Variants in ARAF observed in about 807,000 individuals in gnomAD.
ARAF encodes A-Raf proto-oncogene, serine/threonine kinase.
In ARAF, 18 loss-of-function variants were observed where a neutral mutation model predicts 48.0. The ratio of observed to expected loss-of-function variants is 0.37; its 90% confidence interval spans 0.26 to 0.56. The LOEUF is 0.56. Ranked by LOEUF, ARAF falls within the 20% of genes least tolerant of loss-of-function variation. The pLI is 0.77. For synonymous variants in ARAF, 207 were observed against 220.1 expected (o/e 0.94, Z 0.53); for missense variants, 389 against 543.1 (o/e 0.72, Z 2.82).
intron 13 of ARAF, 86 bp downstream of exon 13, chrX:47,569,743 C>T (rs2057747547): frequency 9.1e-7 from 1 of 1,098,327 alleles, no homozygotes; most frequent in Non-Finnish European, 1.2e-6. Context: ...GACGGGGATG[C>T]CTGTGCCAGA....
intron 6 of ARAF, chrX:47,565,746 G>A (rs953677547): frequency 1.6e-5 from 2 of 123,960 alleles, no homozygotes; most frequent in African/African-American, 3.3e-5. Context: ...TTTGAAATAC[G>A]TATTATTTTA....
chrX:47,570,270 A>G (rs928704362), intron 14 of ARAF: 1 of 351,952 alleles, frequency 2.8e-6, no homozygotes, highest in Middle Eastern at 8.1e-4. Flanking sequence ...TTGAAGTCCA[A>G]AATGCCCCGA....
At position 47,565,284 on chromosome X, in the gene ARAF, G is replaced by A. The variant is rs375468186; in HGVS notation, c.491G>A (p.Gly164Asp). Residue 164 changes from glycine (G) to aspartate (D), a missense_variant, in exon 6 of 16, where the codon GGC (glycine) becomes GAC (aspartate). Coordinates refer to ENST00000377045, the MANE Select transcript of ARAF (RefSeq NM_001654.5). ...FYHSVQDLSG[G>D]SRQHEAPSNR... is the part of the protein sequence containing the mutation. ...CACAGTGTCCAGGATTTGTCCGGAGGCTCCAGACAGCATGAGGCTCCCTCG... is the reference window on the plus strand; with the variant it reads ...CACAGTGTCCAGGATTTGTCCGGAGACTCCAGACAGCATGAGGCTCCCTCG... 36 of 1,209,732 alleles carry A rather than the reference G, an allele frequency of 3.0e-5. No homozygotes were observed. The highest frequency in any genetic ancestry group is 3.9e-5 in the Non-Finnish European group (35 of 895,115).
At chrX:47,563,536 C>T (rs1014487636) in intron 3 of ARAF, among the ~76,000 whole-genome samples, 18 of 112,124 alleles carry the variant, frequency 1.6e-4, no homozygotes, top group African/African-American at 6.5e-5. Context: ...TGCTATCAGT[C>T]GGAACATGTT....
At chrX:47,569,417 A>G in intron 12 of ARAF, 122 bp from the exon 13 acceptor site, 1 of 584,707 alleles carries the variant, frequency 1.7e-6, no homozygotes, top group Non-Finnish European at 2.8e-6. Flanking sequence ...TTTGCGTGAT[A>G]TTAAGGGGCT....
chrX:47,561,971 C>CT (rs1569318570), intron 1 of ARAF, among the ~76,000 whole-genome samples: 1 of 50,538 alleles, frequency 2.0e-5, no homozygotes, highest in African/African-American at 1.3e-4. Flanking sequence ...ATGTAGTGAC[C>CT]CCCCCCCCCC....
Position 47,563,249 on chromosome X carries a change from T to C in ARAF, c.120T>C (p.Ser40=), listed in dbSNP as rs151030523. ...AGGTGACTGTCCGGGATGGCATGAG[T>C]GTCTACGACTCTCTAGACAAGGCCC... is the stretch of plus-strand genomic sequence containing the variant. ...RTVVTVRDGM[S]VYDSLDKALK... Residue 40 remains serine (S), a synonymous_variant, in exon 3 of 16, where the codon AGT becomes AGC. Coordinates refer to ENST00000377045, the MANE Select transcript of ARAF (RefSeq NM_001654.5). 80 of 1,208,756 alleles carry C rather than the reference T, an allele frequency of 6.6e-5. No individual in the cohort carries two copies. In the African/African-American group the frequency reaches 1.2e-3, roughly 18 times the overall value.
At chrX:47,563,601 C>T (rs764471960) in intron 3 of ARAF, among the ~76,000 whole-genome samples, 2 of 112,302 alleles carry the variant, frequency 1.8e-5, no homozygotes, top group Admixed American at 9.4e-5. Context: ...TAACTAAGCA[C>T]GTATCATGCA....
In ARAF at chrX:47,568,977, A is replaced by G. The variant is rs757426955; in HGVS notation, c.1254-10A>G. ...CCCAGCCAATCCGCCACCTGCCTCC[A>G]CCCCCACAGCTACCTCCATGCCAAG... On this transcript the variant is annotated splice_polypyrimidine_tract_variant and intron_variant, in intron 11 of 15. Coordinates refer to ENST00000377045, the MANE Select transcript of ARAF (RefSeq NM_001654.5). 1 of 1,202,969 alleles carries G rather than the reference A, an allele frequency of 8.3e-7. No homozygotes were observed. Among genetic ancestry groups the G allele is most frequent in the Non-Finnish European group, 1.1e-6 (1 of 891,407 alleles).
At chrX:47,564,556 A>C (rs2057724006) in intron 3 of ARAF, among the ~76,000 whole-genome samples, 1 of 112,156 alleles carries the variant, frequency 8.9e-6, no homozygotes, top group South Asian at 3.7e-4. Flanking sequence ...GACTCTTCAC[A>C]CCGTCATGCC....
rs769591973 is a variant in ARAF at position 47,571,214 on chromosome X, T to G, written c.1687-109T>G. On this transcript the variant is annotated intron_variant, in intron 15 of 15. Coordinates refer to ENST00000377045, the MANE Select transcript of ARAF (RefSeq NM_001654.5). Reference sequence around the variant, plus strand: ...TCGCCATGAGGCTGGGACTGTTGGGTGTGTGTGTGTGTGTGTGTGTGTGTG... The same window carrying G: ...TCGCCATGAGGCTGGGACTGTTGGGGGTGTGTGTGTGTGTGTGTGTGTGTG... 115 of 199,443 alleles carry G rather than the reference T, an allele frequency of 5.8e-4. No homozygotes were observed. In the East Asian group the frequency reaches 0.011, roughly 19 times the overall value. 16.4% of individuals were successfully genotyped at this position (199,443 alleles called of 1,213,427 possible).
chrX:47,569,078 G>A, intron 12 of ARAF, 45 bp downstream of exon 12: 2 of 1,159,467 alleles, frequency 1.7e-6, no homozygotes, highest in South Asian at 1.9e-5. Context: ...GGTGTCAAGG[G>A]CTTAGAAGGA....
intron 15 of ARAF, 125 bp downstream of exon 15, chrX:47,571,137 G>GTT: frequency 1.0e-6 from 1 of 977,740 alleles, no homozygotes; most frequent in Non-Finnish European, 1.4e-6. Flanking sequence ...GTGTGTGTGT[G>GTT]TGTGTTTCAC....
At chrX:47,561,707 A>G (rs1569318507) in intron 1 of ARAF, among the ~76,000 whole-genome samples, 1 of 108,410 alleles carries the variant, frequency 9.2e-6, no homozygotes, top group Non-Finnish European at 1.9e-5. Flanking sequence ...ACCGCCTTCC[A>G]TGATCCCTCA....
At chrX:47,565,925 A>T (rs905662289) in intron 6 of ARAF, 6 of 160,918 alleles carry the variant, frequency 3.7e-5, no homozygotes, top group Non-Finnish European at 5.0e-5. Context: ...AATGTAGAAC[A>T]TCATACATGT....
intron 1 of ARAF, among the ~76,000 whole-genome samples, chrX:47,562,514 A>C (rs2057714331): frequency 3.7e-5 from 4 of 108,836 alleles, no homozygotes; most frequent in Admixed American, 9.8e-5. Flanking sequence ...AAAAAAAAAA[A>C]AAAAACCCAG....
intron 11 of ARAF, 22 bp from the exon 12 acceptor site, chrX:47,568,965 C>A: frequency 8.3e-7 from 1 of 1,201,602 alleles, no homozygotes; most frequent in Non-Finnish European, 1.1e-6. Context: ...AGCCAATCCG[C>A]CACCTGCCTC....
chrX:47,570,069 C>T, intron 14 of ARAF, 45 bp downstream of exon 14: 1 of 1,179,993 alleles, frequency 8.5e-7, no homozygotes, highest in Non-Finnish European at 1.1e-6. Context: ...TGAGGGATCC[C>T]CTCAGGCATC....
chrX:47,567,199 G>T (rs1420055830), intron 9 of ARAF, 31 bp from the exon 10 acceptor site: 3 of 1,210,664 alleles, frequency 2.5e-6, no homozygotes, highest in Non-Finnish European at 2.2e-6. Flanking sequence ...ATGTGGGCAG[G>T]CCTCTTAGAT....
Sources: gnomAD v4.1 joint callset for allele counts (sites outside exome capture counted in the v4.1 genomes callset) on GRCh38, gnomAD v4.1.1 for gene constraint, MANE v1.5 for transcripts, NCBI Gene and HGNC (gene_info 2026-07-23, HGNC 2026-07-21) for gene names.